The following THBS4 variants were observed in gnomAD, a reference collection of about 807,000 sequenced individuals.
The protein encoded by THBS4 is thrombospondin-4.
THBS4 carries 90 observed loss-of-function variants against 115.7 expected under a neutral mutation model. That is an observed-to-expected ratio of 0.78 (90% confidence interval 0.66 to 0.93). The LOEUF (loss-of-function observed/expected upper bound fraction) is 0.93. Among genes scored for constraint, THBS4 ranks in the 40% least tolerant of loss-of-function variants. The pLI is 0.00. For missense variants in THBS4, 1,087 were observed against 1,232.7 expected, an observed-to-expected ratio of 0.88 and a Z score of 1.77; for synonymous variants, 460 against 479.3, an observed-to-expected ratio of 0.96 and a Z score of 0.53.
At chr5:80,077,153 C>T in intron 16 of THBS4, 105 bp downstream of exon 16, 1 of 1,110,646 alleles carries the variant, frequency 9.0e-7, no homozygotes, top group Non-Finnish European at 1.3e-6. Context: ...ATCCCCAGCT[C>T]CCATCAGCTG....
At chr5:80,042,583 A>G (rs1832937495) in intron 2 of THBS4, among the ~76,000 whole-genome samples, 1 of 152,222 alleles carries the variant, frequency 6.6e-6, no homozygotes, top group African/African-American at 2.4e-5. Context: ...TGTATAGACA[A>G]GAGTAACACT....
Position 80,035,694 on chromosome 5 carries a change from G to T in THBS4, c.88+69G>T. 9.0e-7 allele frequency: 1 copy of T among 1,106,704 alleles called. No homozygotes were observed. Among genetic ancestry groups the T allele is most frequent in the Non-Finnish European group, 1.2e-6 (1 of 856,978 alleles). 68.6% of individuals were successfully genotyped at this position (1,106,704 alleles called of 1,614,324 possible). ...GCCCCATCTGCTGAGTGAGTGGAGG[G>T]ACTTGCTCGGCCCTGTGCTCCTGTG... is the stretch of plus-strand genomic sequence containing the variant. On this transcript the variant is annotated intron_variant, in intron 1 of 21. Coordinates refer to ENST00000350881, the MANE Select transcript of THBS4 (RefSeq NM_003248.6). This position sits in a 1 kb window ranked among gnomAD's most constrained non-coding sequence, Gnocchi z 4.6.
At chr5:80,055,649 C>G in intron 2 of THBS4, 136 bp from the exon 3 acceptor site, 1 of 1,262,968 alleles carries the variant, frequency 7.9e-7, no homozygotes, top group Non-Finnish European at 1.1e-6. Flanking sequence ...TTATTTCTCA[C>G]TCACATTCCG....
intron 15 of THBS4, among the ~76,000 whole-genome samples, chr5:80,074,063 T>C (rs1243786882): frequency 1.3e-5 from 2 of 152,234 alleles, no homozygotes; most frequent in Admixed American, 6.5e-5. Flanking sequence ...ATCGTGAAGA[T>C]TGAGTTGATC....
chr5:80,003,780 T>C (rs1386739574), intron 2 of THBS4, among the ~76,000 whole-genome samples: 1 of 152,250 alleles, frequency 6.6e-6, no homozygotes, highest in African/African-American at 2.4e-5. Flanking sequence ...TGTTACTGTA[T>C]AATTTACATG....
chr5:80,022,658 T>C (rs920358923), intron 2 of THBS4, among the ~76,000 whole-genome samples: 2 of 152,206 alleles, frequency 1.3e-5, no homozygotes, highest in Non-Finnish European at 2.9e-5. Flanking sequence ...TTATTCAAAT[T>C]ATTGTGAATT....
At chr5:80,018,919 G>C (rs1281113144) in intron 2 of THBS4, among the ~76,000 whole-genome samples, 1 of 151,928 alleles carries the variant, frequency 6.6e-6, no homozygotes, top group African/African-American at 2.4e-5. Context: ...TGGGAGGGGA[G>C]TTCATGTTCT....
chr5:80,032,617 A>T (rs2438603), upstream of THBS4, among the ~76,000 whole-genome samples: 1 of 152,036 alleles, frequency 6.6e-6, no homozygotes, highest in Non-Finnish European at 1.5e-5. Flanking sequence ...GCAAATCACT[A>T]ATGTAGGTCC....
At chr5:80,057,850 G>A (rs1833482499) in intron 3 of THBS4, among the ~76,000 whole-genome samples, 1 of 152,030 alleles carries the variant, frequency 6.6e-6, no homozygotes, top group Admixed American at 6.5e-5. Flanking sequence ...TTAAAATTGG[G>A]GTTAACACCT....
intron 2 of THBS4, among the ~76,000 whole-genome samples, chr5:80,041,585 A>G (rs1183968417): frequency 1.3e-5 from 2 of 152,168 alleles, no homozygotes; most frequent in African/African-American, 2.4e-5. Context: ...TGTGCGTGCC[A>G]ATTTACACAG....
intron 2 of THBS4, among the ~76,000 whole-genome samples, chr5:80,027,742 T>C (rs971294493): frequency 3.3e-5 from 5 of 149,386 alleles, no homozygotes; most frequent in Non-Finnish European, 6.0e-5. Context: ...CAAAAAAAAA[T>C]ACAAAAATTG....
chr5:79,993,134 G>C (rs531771189), intron 1 of THBS4, among the ~76,000 whole-genome samples: 30 of 152,280 alleles, frequency 2.0e-4, no homozygotes, highest in African/African-American at 6.3e-4. Flanking sequence ...GCCTTCTTCC[G>C]TACTGCTGCT....
chr5:80,033,139 TA>T (rs1561300159), upstream of THBS4: 1 of 353,398 alleles, frequency 2.8e-6, no homozygotes, highest in Non-Finnish European at 5.8e-6. Context: ...CACACGGTCA[TA>T]AAAAGAAAAA....
chr5:80,048,146 AAAT>A (rs1334068199), intron 2 of THBS4, among the ~76,000 whole-genome samples: 1 of 152,168 alleles, frequency 6.6e-6, no homozygotes, highest in Non-Finnish European at 1.5e-5. Context: ...AATAATTTTT[AAAT>A]AATATTTGAA....
intron 2 of THBS4, among the ~76,000 whole-genome samples, chr5:80,004,154 G>A (rs552090403): frequency 6.6e-6 from 1 of 152,314 alleles, no homozygotes; most frequent in East Asian, 1.9e-4. Context: ...CACCATGACT[G>A]AGCTGAAACT....
intron 14 of THBS4, 41 bp from the exon 15 acceptor site, chr5:80,073,234 G>A: frequency 6.2e-7 from 1 of 1,602,666 alleles, no homozygotes; most frequent in Non-Finnish European, 8.5e-7. Context: ...TTCGGTACAT[G>A]CAGGCCCAGG....
In THBS4 at chr5:80,035,978, C is replaced by T. The variant is rs919411871; in HGVS notation, c.88+353C>T. On this transcript the variant is annotated intron_variant, in intron 1 of 21. Coordinates refer to ENST00000350881, the MANE Select transcript of THBS4 (RefSeq NM_003248.6). This position sits in a 1 kb window ranked among gnomAD's most constrained non-coding sequence, Gnocchi z 4.6. ...TGAATTCCGGGTCCTGCACCCTGTG[C>T]CGGTTCCCTCCAGGCAGCCTTGCTC... is the stretch of plus-strand genomic sequence containing the variant. 3 of 1,028,202 alleles carry T rather than the reference C, an allele frequency of 2.9e-6. No homozygotes were observed. The highest frequency in any genetic ancestry group is 1.1e-4 in the Admixed American group (2 of 17,470). The allele number at this position is 1,028,202 out of a possible 1,614,324, so 63.7% of individuals were successfully genotyped here.
chr5:80,063,170 A>G (rs1469610975), intron 8 of THBS4, among the ~76,000 whole-genome samples: 1 of 152,132 alleles, frequency 6.6e-6, no homozygotes, highest in Non-Finnish European at 1.5e-5. Flanking sequence ...AAGTGTTCCT[A>G]TTTCTCCACA....
chr5:80,065,670 A>G (rs1016249402), intron 9 of THBS4, among the ~76,000 whole-genome samples, 193 bp downstream of exon 9: 4 of 152,240 alleles, frequency 2.6e-5, no homozygotes, highest in Non-Finnish European at 5.9e-5. Context: ...TTATGTAAGA[A>G]TAATTTTATA....
Sources: allele counts gnomAD v4.1 joint callset (sites outside exome capture counted in the v4.1 genomes callset), GRCh38; gene constraint gnomAD v4.1.1; non-coding constraint Gnocchi (gnomAD v3.1); transcripts MANE v1.5; gene names NCBI Gene and HGNC (gene_info 2026-07-23, HGNC 2026-07-21).